Variants in EPHA2 observed in about 807,000 individuals in gnomAD.
The protein encoded by EPHA2 is EPH receptor A2.
In EPHA2, 54 loss-of-function variants were observed where a neutral mutation model predicts 104.9. The ratio of observed to expected loss-of-function variants is 0.51; its 90% CI spans 0.41 to 0.65. EPHA2 has a LOEUF of 0.65. Among genes scored for constraint, EPHA2 ranks in the 30% least tolerant of loss-of-function variants. The pLI is 0.00. For missense variants in EPHA2, 1,117 were observed against 1,369.5 expected, an observed-to-expected ratio of 0.82 and a Z score of 2.91; for synonymous variants, 560 against 559.1, an observed-to-expected ratio of 1.00 and a Z score of -0.02.
rs113934792 is a variant in EPHA2, at chr1:16,140,771, A to G, written c.824-2341T>C. 8.7e-3 allele frequency among the ~76,000 whole-genome samples: 1,331 copies of G among 152,326 alleles called. 21 individuals carry two copies. The highest frequency in any genetic ancestry group is 0.03 in the African/African-American group (1,266 of 41,576). On this transcript the variant is annotated intron_variant, in intron 3 of 16. Coordinates refer to ENST00000358432, the MANE Select transcript of EPHA2 (RefSeq NM_004431.5). ...GTAGCTGGAACTACAGGCACCGGCC[A>G]TCAAGCCTGGCTAACTTTTGTATTT...
At position 16,134,959 on chromosome 1, in the gene EPHA2, C is replaced by G; in HGVS notation, c.1582+77G>C. On this transcript the variant is annotated intron_variant, in intron 7 of 16. Coordinates refer to ENST00000358432, the MANE Select transcript of EPHA2 (RefSeq NM_004431.5). The surrounding 1 kb of genome is among the most constrained non-coding windows in gnomAD (Gnocchi z 4.5). ...AGGGGCATTTCTAAGTTATTTGATT[C>G]ACTTCCTTTCCCAAGATGTCTCAAT... The G allele has an allele frequency of 6.3e-7, 1 of 1,588,534 alleles. No individual in the cohort carries two copies.
In EPHA2 at chr1:16,133,405, GC is replaced by G. The variant is rs1299575328; in HGVS notation, c.1865-38del. ...CAGGGTCAGGGGAGTGCCCTGGTCAGCCCCGGCATGAGGGCTCCCACACTGT... is the reference window on the plus strand; with the variant it reads ...CAGGGTCAGGGGAGTGCCCTGGTCAGCCCGGCATGAGGGCTCCCACACTGT... On this transcript the variant is annotated intron_variant, in intron 10 of 16. Coordinates refer to ENST00000358432, the MANE Select transcript of EPHA2 (RefSeq NM_004431.5). The G allele has an allele frequency of 5.6e-6, 9 of 1,613,694 alleles. No individual in the cohort carries two copies. The Admixed American group carries it at 1.5e-4, about 27-fold the overall frequency.
At position 16,131,780 on chromosome 1, in the gene EPHA2, C is replaced by T. The variant is rs2024574202; in HGVS notation, c.2416G>A (p.Val806Ile). The change falls in exon 14 of 17, where the codon GTC becomes ATC. Residue 806 changes from valine to isoleucine, a missense_variant. Physicochemically the swap from Val to Ile is conservative, Grantham distance 29. Coordinates refer to ENST00000358432, the MANE Select transcript of EPHA2 (RefSeq NM_004431.5). The surrounding 1 kb of genome is among the most constrained non-coding windows in gnomAD (Gnocchi z 5.2). ...SASDVWSFGI[V>I]MWEVMTYGER... ...CCATAGGTCATCACCTCCCACATGA[C>T]AATGCCAAAGCTCCACACGTCGCTG... 1.9e-6 allele frequency: 3 copies of T among 1,614,162 alleles called. No homozygotes were observed. Among genetic ancestry groups the T allele is most frequent in the Non-Finnish European group, 2.5e-6 (3 of 1,180,034 alleles).
intron 5 of EPHA2, among the ~76,000 whole-genome samples, chr1:16,137,334 C>T (rs2024731479): frequency 6.6e-6 from 1 of 151,490 alleles, no homozygotes; most frequent in Non-Finnish European, 1.5e-5. Context: ...CGCAGTGGCT[C>T]ACGCCTGTGA....
At chr1:16,129,748 A>T (rs1313957773) in intron 15 of EPHA2, among the ~76,000 whole-genome samples, 159 bp from the exon 16 acceptor site, 1 of 151,692 alleles carries the variant, frequency 6.6e-6, no homozygotes, top group African/African-American at 2.4e-5. Context: ...GTTCAATGAG[A>T]CCTCCTGGCA....
rs747087417 is a variant in EPHA2, at chr1:16,138,410, T to C, written c.844A>G (p.Lys282Glu). 3.8e-5 allele frequency: 62 copies of C among 1,613,528 alleles called. No homozygotes were observed. The highest frequency in any genetic ancestry group is 4.8e-5 in the Non-Finnish European group (57 of 1,179,994). ...CAGGGGCTCTCAGATGCCTCAAACT[T>C]AAAAAATCCAGGCGAGCAGGCTGGT... ...ACQACSPGFFKFEASESPCLE... is the reference protein window; with the variant it reads ...ACQACSPGFFEFEASESPCLE... The change falls in exon 4 of 17, where the codon AAG (lysine) becomes GAG (glutamate). Residue 282 changes from lysine (K) to glutamate (E), a missense_variant. Lys to Glu is a moderately conservative substitution (Grantham distance 56, BLOSUM62 1). This residue lies in a region of EPHA2 where 664 missense variants were observed against 784.8 expected (regional missense o/e 0.85). Transcript: ENST00000358432.
At chr1:16,141,933 C>T (rs983390241) in intron 3 of EPHA2, among the ~76,000 whole-genome samples, 12 of 152,222 alleles carry the variant, frequency 7.9e-5, no homozygotes, top group African/African-American at 2.9e-4. Context: ...TCCAGGGCCC[C>T]GCCAGAGTTT....
rs976942686 is a variant in EPHA2, at chr1:16,130,506, G to A, written c.2476-87C>T. ...CCAGCCTATGGAGGTGGGCAGGGGAGGGGAGGGGAACAGGAACATCCCAGA... is the reference window on the plus strand; with the variant it reads ...CCAGCCTATGGAGGTGGGCAGGGGAAGGGAGGGGAACAGGAACATCCCAGA... On this transcript the variant is annotated intron_variant, in intron 14 of 16. Coordinates refer to ENST00000358432, the MANE Select transcript of EPHA2 (RefSeq NM_004431.5). This position sits in a 1 kb window ranked among gnomAD's most constrained non-coding sequence, Gnocchi z 4.5. 8.2e-6 allele frequency: 11 copies of A among 1,338,990 alleles called. No individual in the cohort carries two copies. Among genetic ancestry groups the A allele is most frequent in the African/African-American group, 1.5e-5 (1 of 68,100 alleles). The allele number at this position is 1,338,990 out of a possible 1,614,324, so 82.9% of individuals were successfully genotyped here.
At chr1:16,144,836 G>T (rs1287863145) in intron 3 of EPHA2, among the ~76,000 whole-genome samples, 1 of 152,162 alleles carries the variant, frequency 6.6e-6, no homozygotes, top group African/African-American at 2.4e-5. Flanking sequence ...CTTCCTCTCC[G>T]GACCTCAGTT....
Position 16,130,360 on chromosome 1 carries a change from G to A in EPHA2, c.2535C>T (p.Ala845=), listed in dbSNP as rs2024549838. 1.3e-6 allele frequency: 2 copies of A among 1,581,146 alleles called. No individual in the cohort carries two copies. The highest frequency in any genetic ancestry group is 2.3e-5 in the South Asian group (2 of 87,068). The part of the protein sequence containing the change: ...RLPTPMDCPS[A]IYQLMMQCWQ... ...AGCACTGCATCATGAGCTGGTAGAT[G>A]GCGGAGGGGCAGTCCATGGGTGTGG... Residue 845 remains alanine, a synonymous_variant, in exon 15 of 17, where the codon GCC becomes GCT. Transcript: ENST00000358432. The surrounding 1 kb of genome is among the most constrained non-coding windows in gnomAD (Gnocchi z 4.5).
intron 1 of EPHA2, 147 bp downstream of exon 1, chr1:16,155,701 G>A (rs556862274): frequency 5.0e-6 from 3 of 594,584 alleles, no homozygotes; most frequent in East Asian, 7.0e-5. Context: ...GGCTCGCCTC[G>A]ATCGCAGCCC....
Position 16,135,760 on chromosome 1 carries a change from C to T in EPHA2, c.1323G>A (p.Lys441=), listed in dbSNP as rs988481238. ...TGGTGCTGCGGCCCTCCAGCCTCAC[C>T]TTGGGGGGCTCTGGGCAGGACAGGC... is the stretch of plus-strand genomic sequence containing the variant. ...SVSINQTEPP[K]VRLEGRSTTS... Residue 441 remains lysine (K), a synonymous_variant, in exon 6 of 17, where the codon AAG becomes AAA. Transcript: ENST00000358432. This position sits in a 1 kb window ranked among gnomAD's most constrained non-coding sequence, Gnocchi z 4.3. The T allele has an allele frequency of 5.0e-6, 8 of 1,611,646 alleles. No individual in the cohort carries two copies. The highest frequency in any genetic ancestry group is 3.4e-4 in the Middle Eastern group (2 of 5,854).
chr1:16,134,433 G>C lies in EPHA2; in HGVS notation c.1682+35C>G. On this transcript the variant is annotated intron_variant, in intron 8 of 16. Coordinates refer to ENST00000358432, the MANE Select transcript of EPHA2 (RefSeq NM_004431.5). The surrounding 1 kb of genome is among the most constrained non-coding windows in gnomAD (Gnocchi z 4.5). ...GTTCCTGCCCCATTTTCCCACCCAAGCCCATGTGGAGCCAGGGTATGGGCT... is the reference window on the plus strand; with the variant it reads ...GTTCCTGCCCCATTTTCCCACCCAACCCCATGTGGAGCCAGGGTATGGGCT... 6.2e-7 allele frequency: 1 copy of C among 1,607,070 alleles called. No homozygotes were observed. The highest frequency in any genetic ancestry group is 1.7e-4 in the Middle Eastern group (1 of 6,044).
At position 16,131,581 on chromosome 1, in the gene EPHA2, C is replaced by CA. The variant is rs375484276; in HGVS notation, c.2475+139dup. On this transcript the variant is annotated intron_variant, in intron 14 of 16. Coordinates refer to ENST00000358432, the MANE Select transcript of EPHA2 (RefSeq NM_004431.5). This position sits in a 1 kb window ranked among gnomAD's most constrained non-coding sequence, Gnocchi z 5.2. ...GGCAACAAGAGCAAAACTCCGTCTC[C>CA]AAAAAAAAAAAATAAACATTTATGG... The CA allele has an allele frequency of 0.11, 97,463 of 915,568 alleles. 78 individuals are homozygous for CA. The highest frequency in any genetic ancestry group is 0.12 in the Middle Eastern group (291 of 2,518). The allele number at this position is 915,568 out of a possible 1,614,324, so 56.7% of individuals were successfully genotyped here.
At chr1:16,133,440 C>T (rs190333807) in intron 10 of EPHA2, 41 bp downstream of exon 10, 13 of 1,614,020 alleles carry the variant, frequency 8.1e-6, no homozygotes, top group Middle Eastern at 1.6e-4. Flanking sequence ...GTGTCACCAC[C>T]GCTGCCTCCT....
chr1:16,148,960 G>C lies in EPHA2; in HGVS notation c.241C>G (p.Leu81Val), dbSNP rs1209800199. Residue 81 changes from leucine (L) to valine (V), a missense_variant, in exon 3 of 17, where the codon CTC (leucine) becomes GTC (valine). Coordinates refer to ENST00000358432, the MANE Select transcript of EPHA2 (RefSeq NM_004431.5). This position sits in a 1 kb window ranked among gnomAD's most constrained non-coding sequence, Gnocchi z 4.9. ...CCTCGGTACACCCAGTTGGTGCGGA[G>C]CCAGTTGTCCTGGTCGCCAGACATC... Reference protein sequence around the residue: ...NVMSGDQDNWLRTNWVYRGEA... With the variant: ...NVMSGDQDNWVRTNWVYRGEA... 3.1e-6 allele frequency: 5 copies of C among 1,614,030 alleles called. No individual in the cohort carries two copies. The African/African-American group carries it at 6.7e-5, about 22-fold the overall frequency.
chr1:16,152,756 A>C (rs1277189256), intron 1 of EPHA2, among the ~76,000 whole-genome samples: 2 of 152,134 alleles, frequency 1.3e-5, no homozygotes, highest in East Asian at 1.9e-4. Flanking sequence ...TGAAGGGTTA[A>C]CCTGGCATGG....
rs2124181685 is a variant in EPHA2, at chr1:16,124,897, A to G, written c.*318T>C. On this transcript the variant is annotated 3_prime_UTR_variant, in exon 17 of 17. Transcript: ENST00000358432. ...GCCTCATGTGGGAGAAGGCGGAGGGAAGGTCGGCTTGGGAATATCCCATAT... is the reference window on the plus strand; with the variant it reads ...GCCTCATGTGGGAGAAGGCGGAGGGGAGGTCGGCTTGGGAATATCCCATAT... 1 of 328,768 alleles carries G rather than the reference A, an allele frequency of 3.0e-6. No homozygotes were observed. Among genetic ancestry groups the G allele is most frequent in the Non-Finnish European group, 5.9e-6 (1 of 169,702 alleles). The allele number at this position is 328,768 out of a possible 1,614,324, so 20.4% of individuals were successfully genotyped here.
intron 1 of EPHA2, 142 bp from the exon 2 acceptor site, chr1:16,151,105 A>G: frequency 1.3e-6 from 1 of 756,598 alleles, no homozygotes. Context: ...ACCATATCCA[A>G]GAAAATCATC....
Sources: gnomAD v4.1 joint callset for allele counts (sites outside exome capture counted in the v4.1 genomes callset) on GRCh38, gnomAD v4.1.1 for gene constraint, gnomAD v4.1.1 regional missense constraint, Gnocchi (gnomAD v3.1) non-coding constraint, MANE v1.5 for transcripts, NCBI Gene and HGNC (gene_info 2026-07-23, HGNC 2026-07-21) for gene names.